The following ECI1 variants were observed in gnomAD, a reference collection of about 807,000 sequenced individuals.
The protein encoded by ECI1 is enoyl-CoA delta isomerase 1, mitochondrial.
In ECI1, 34 loss-of-function variants were observed where a neutral mutation model predicts 34.2. The ratio of observed to expected loss-of-function variants is 1.00; its 90% confidence interval spans 0.76 to 1.33. The LOEUF (loss-of-function observed/expected upper bound fraction) is 1.33, where lower values mean the gene tolerates loss of function less well. ECI1 is among the 40% of genes most tolerant of loss of function. The pLI is 0.00. For synonymous variants in ECI1, 211 were observed against 193.0 expected, an observed-to-expected ratio of 1.09 and a Z score of -0.77; for missense variants, 456 against 422.2, an observed-to-expected ratio of 1.08 and a Z score of -0.70.
Position 2,239,843 on chromosome 16 carries a change from T to C in ECI1, c.*136A>G, listed in dbSNP as rs1325311174. On this transcript the variant is annotated 3_prime_UTR_variant, in exon 7 of 7. Coordinates refer to ENST00000301729, the MANE Select transcript of ECI1 (RefSeq NM_001919.4). Reference sequence around the variant, plus strand: ...GGCTGGGCCTTGGGCCACTGGGCTATGAGGAACAGGAACTTCTACGTAACA... The same window carrying C: ...GGCTGGGCCTTGGGCCACTGGGCTACGAGGAACAGGAACTTCTACGTAACA... The C allele has an allele frequency of 7.2e-6, 7 of 973,692 alleles. No homozygotes were observed. The highest frequency in any genetic ancestry group is 9.7e-6 in the Non-Finnish European group (6 of 617,760). The allele number at this position is 973,692 out of a possible 1,614,324, so 60.3% of individuals were successfully genotyped here.
At chr16:2,243,572 T>TCTGGG (rs1322994392) in intron 4 of ECI1, 133 bp from the exon 5 acceptor site, 10 of 1,109,878 alleles carry the variant, frequency 9.0e-6, no homozygotes, top group Non-Finnish European at 1.3e-5. Context: ...CCCACAATGG[T>TCTGGG]CTGGGCTGGG....
intron 2 of ECI1, 83 bp downstream of exon 2, chr16:2,251,233 T>G: frequency 1.8e-6 from 1 of 564,302 alleles, no homozygotes; most frequent in Non-Finnish European, 2.4e-6. Flanking sequence ...TCGACAGACG[T>G]GGTTCTCCGA....
In ECI1 at chr16:2,246,870, T is replaced by C; in HGVS notation, c.283A>G (p.Ile95Val). Residue 95 changes from isoleucine to valine, a missense_variant, in exon 3 of 7, where the codon ATT becomes GTT. Transcript: ENST00000301729. ...GAACTAGCACCTACCGAGGTCAGAA[T>C]GACACCGCGGAAGCTCTTGTCATTC... ...LENDKSFRGV[I>V]LTSDRPGVFS... 6.2e-7 allele frequency: 1 copy of C among 1,612,894 alleles called. No individual in the cohort carries two copies. The highest frequency in any genetic ancestry group is 8.5e-7 in the Non-Finnish European group (1 of 1,180,004).
At chr16:2,250,435 T>C (rs2093550685) in intron 2 of ECI1, among the ~76,000 whole-genome samples, 2 of 152,162 alleles carry the variant, frequency 1.3e-5, no homozygotes, top group Admixed American at 6.5e-5. Flanking sequence ...GGCACAGCCC[T>C]GAGTCTGGGG....
chr16:2,241,639 G>T (rs907879894), intron 6 of ECI1: 1 of 152,128 alleles, frequency 6.6e-6, no homozygotes, highest in Non-Finnish European at 1.5e-5. Flanking sequence ...AAGAAGGTTA[G>T]TATTTTGTGA....
At chr16:2,244,646 A>T in intron 3 of ECI1, 94 bp from the exon 4 acceptor site, 5 of 1,365,954 alleles carry the variant, frequency 3.7e-6, no homozygotes, top group Non-Finnish European at 5.0e-6. Context: ...CACGACGCAC[A>T]GCAGGGCCAG....
intron 6 of ECI1, among the ~76,000 whole-genome samples, chr16:2,242,148 G>A (rs1164700867): frequency 2.0e-5 from 3 of 152,112 alleles, no homozygotes; most frequent in Non-Finnish European, 2.9e-5. Flanking sequence ...GTGAGCCACC[G>A]CGCCTGGCCC....
At position 2,246,987 on chromosome 16, in the gene ECI1, C is replaced by T. The variant is rs770154838; in HGVS notation, c.167-1G>A. On this transcript the variant is annotated splice_acceptor_variant, in intron 2 of 6. Transcript: ENST00000301729. LOFTEE classifies it high-confidence loss of function. ...TTCTTGAATTTCATCACAGCGACCC[C>T]TAATTTAAAGAATGAGAAGAGAAAG... 6.2e-6 allele frequency: 10 copies of T among 1,612,954 alleles called. No individual in the cohort carries two copies. The East Asian group carries it at 1.8e-4, about 29-fold the overall frequency.
intron 6 of ECI1, chr16:2,241,698 TTTG>T (rs991475980): frequency 1.3e-5 from 2 of 151,902 alleles, no homozygotes; most frequent in African/African-American, 2.4e-5. Flanking sequence ...TAAAATTTTT[TTTG>T]TTGTTTTTGA....
rs141975235 is a variant in ECI1, at chr16:2,243,440, C to T, written c.442-1G>A. On this transcript the variant is annotated splice_acceptor_variant, in intron 4 of 6. Coordinates refer to ENST00000301729, the MANE Select transcript of ECI1 (RefSeq NM_001919.4). LOFTEE classifies it high-confidence loss of function. ...GGCAGCCTCCAGCGGGGCAGGCTCC[C>T]TGCAGGGAGAGGCCGGACAGGGCTC... is the stretch of plus-strand genomic sequence containing the variant. The T allele has an allele frequency of 1.1e-5, 18 of 1,612,428 alleles. No individual in the cohort carries two copies. The highest frequency in any genetic ancestry group is 4.0e-5 in the African/African-American group (3 of 74,934).
intron 4 of ECI1, chr16:2,244,081 G>C (rs988041475): frequency 2.3e-6 from 1 of 427,126 alleles, no homozygotes; most frequent in Non-Finnish European, 4.4e-6. Context: ...AGAAGGGATG[G>C]AGTGATGTTT....
chr16:2,246,014 G>A (rs950355537), intron 3 of ECI1, among the ~76,000 whole-genome samples: 1 of 152,118 alleles, frequency 6.6e-6, no homozygotes. Context: ...GGCCGAGGTG[G>A]GCAGATCACT....
rs181505389 is a variant in ECI1, at chr16:2,244,559, G to C, written c.295-7C>G. The C allele has an allele frequency of 1.3e-6, 2 of 1,574,860 alleles. No homozygotes were observed. Among genetic ancestry groups the C allele is most frequent in the Non-Finnish European group, 1.7e-6 (2 of 1,160,606 alleles). ...AGAAGACACCCGGGCGGTCCTGCAG[G>C]GGGAGCCGGGGCCACATGCCCATCA... On this transcript the variant is annotated splice_region_variant and splice_polypyrimidine_tract_variant and intron_variant, in intron 3 of 6. Transcript: ENST00000301729.
intron 3 of ECI1, among the ~76,000 whole-genome samples, chr16:2,245,345 T>C (rs534039932): frequency 6.6e-6 from 1 of 152,328 alleles, no homozygotes; most frequent in African/African-American, 2.4e-5. Context: ...GGGTGGATGT[T>C]TACCCCGCCC....
chr16:2,249,716 C>CCAA (rs536643500), intron 2 of ECI1, among the ~76,000 whole-genome samples: 1 of 139,682 alleles, frequency 7.2e-6, no homozygotes, highest in Non-Finnish European at 1.6e-5. Context: ...CTAAAAATAC[C>CCAA]AAAAAAAAAA....
At chr16:2,250,198 G>T (rs2093549914) in intron 2 of ECI1, among the ~76,000 whole-genome samples, 1 of 141,624 alleles carries the variant, frequency 7.1e-6, no homozygotes, top group Non-Finnish European at 1.5e-5. Flanking sequence ...GGCACAGGTT[G>T]CAGTGATCGG....
Position 2,240,164 on chromosome 16 carries a change from G to T in ECI1, c.743-19C>A. On this transcript the variant is annotated intron_variant, in intron 6 of 6. Coordinates refer to ENST00000301729, the MANE Select transcript of ECI1 (RefSeq NM_001919.4). ...GCATGGTCTAAAGAGAATGGGACGT[G>T]CCACTGAAATCCCACTTTCAGGGGC... 1 of 1,612,256 alleles carries T rather than the reference G, an allele frequency of 6.2e-7. No individual in the cohort carries two copies.
At chr16:2,245,467 C>T (rs372974341) in intron 3 of ECI1, among the ~76,000 whole-genome samples, 19 of 152,344 alleles carry the variant, frequency 1.2e-4, no homozygotes, top group Middle Eastern at 3.4e-3. Flanking sequence ...AGGAACGGTG[C>T]GGGTGGGCAA....
At chr16:2,248,508 G>C (rs2093545609) in intron 2 of ECI1, among the ~76,000 whole-genome samples, 1 of 151,878 alleles carries the variant, frequency 6.6e-6, no homozygotes, top group African/African-American at 2.4e-5. Flanking sequence ...TCTGCCTCCT[G>C]GGTTCAAGCC....
Sources: allele counts gnomAD v4.1 joint callset (sites outside exome capture counted in the v4.1 genomes callset), GRCh38; gene constraint gnomAD v4.1.1; transcripts MANE v1.5; gene names NCBI Gene and HGNC (gene_info 2026-07-23, HGNC 2026-07-21).